The following UPK1A variants were observed in gnomAD, a reference collection of about 807,000 sequenced individuals.
UPK1A encodes uroplakin 1A.
In UPK1A, 31 loss-of-function variants were observed where a neutral mutation model predicts 32.3. The ratio of observed to expected loss-of-function variants is 0.96; its 90% CI spans 0.72 to 1.30. The LOEUF is 1.30. Ranked by LOEUF, UPK1A falls within the 50% of genes most tolerant of loss-of-function variation. The pLI, the probability that UPK1A is intolerant of heterozygous loss-of-function variation, is 0.00. For missense variants in UPK1A, 340 were observed against 357.4 expected, an observed-to-expected ratio of 0.95 and a Z score of 0.39; for synonymous variants, 135 against 137.1, an observed-to-expected ratio of 0.98 and a Z score of 0.11.
exon 6 of UPK1A, chr19:35,675,892 C>T: frequency 6.2e-7 from 1 of 1,614,024 alleles, no homozygotes; most frequent in Non-Finnish European, 8.5e-7. Flanking sequence ...TTCACGTCAG[C>T]CTTCCGGGCG....
chr19:35,666,863 G>A lies in UPK1A; in HGVS notation c.51G>A (p.Val17=), dbSNP rs770549976. 10 of 1,614,102 alleles carry A rather than the reference G, an allele frequency of 6.2e-6. No homozygotes were observed. In the Admixed American group the frequency reaches 1.3e-4, roughly 22 times the overall value. ...CCGAGAAGGGATCTCCAGTTGTGGT[G>A]GGCCTGCTAGTTGTGGGCAATATCA... Residue 17 remains valine, a synonymous_variant, in exon 2 of 8, where the codon GTG becomes GTA. Coordinates refer to ENST00000617999, the Ensembl canonical transcript of UPK1A.
chr19:35,678,045 AC>A, exon 8 of UPK1A: 1 of 1,554,806 alleles, frequency 6.4e-7, no homozygotes, highest in Non-Finnish European at 8.7e-7. Flanking sequence ...GGCAACATAC[AC>A]ACCCCGGACT....
At chr19:35,676,128 CT>C in intron 6 of UPK1A, 109 bp downstream of exon 6, 2 of 1,195,746 alleles carry the variant, frequency 1.7e-6, no homozygotes. Flanking sequence ...GTCCGTCTAG[CT>C]TTTTCCCTCT....
At chr19:35,671,365 C>T (rs1373463102) in intron 3 of UPK1A, among the ~76,000 whole-genome samples, 7 of 115,562 alleles carry the variant, frequency 6.1e-5, no homozygotes, top group South Asian at 3.3e-4. Context: ...CCAGCCTGGG[C>T]GACAGAGCAA....
At chr19:35,678,064 A>G in exon 8 of UPK1A, 1 of 1,524,330 alleles carries the variant, frequency 6.6e-7, no homozygotes, top group Non-Finnish European at 8.8e-7. Context: ...ACTCCTCCGC[A>G]TCCTCCTCCT....
chr19:35,676,041 C>T, intron 6 of UPK1A, 22 bp downstream of exon 6: 1 of 1,603,616 alleles, frequency 6.2e-7, no homozygotes, highest in Middle Eastern at 1.7e-4. Flanking sequence ...TGCCCTGCTC[C>T]ATCTGTCTAT....
chr19:35,678,039 A>T, exon 8 of UPK1A: 1 of 1,565,900 alleles, frequency 6.4e-7, no homozygotes, highest in Non-Finnish European at 8.7e-7. Context: ...GGGGAAGGCA[A>T]CATACACACC....
chr19:35,672,556 C>G (rs542831588), intron 3 of UPK1A, among the ~76,000 whole-genome samples: 73 of 152,272 alleles, frequency 4.8e-4, no homozygotes, highest in Non-Finnish European at 9.3e-4. Context: ...GCGTAAGCCA[C>G]TGCACCCACC....
exon 6 of UPK1A, chr19:35,675,846 T>C: frequency 3.1e-6 from 5 of 1,610,522 alleles, no homozygotes; most frequent in Non-Finnish European, 4.2e-6. Flanking sequence ...CTAGCAAGAA[T>C]GCTGTGGCAC....
At chr19:35,669,330 G>C (rs1018577574) in intron 3 of UPK1A, among the ~76,000 whole-genome samples, 13 of 152,016 alleles carry the variant, frequency 8.6e-5, no homozygotes, top group African/African-American at 2.7e-4. Flanking sequence ...TACTTCCCAA[G>C]TGTCTCTCAT....
chr19:35,677,927 G>A (rs767385609), intron 7 of UPK1A, 32 bp downstream of exon 7: 31 of 1,592,858 alleles, frequency 1.9e-5, no homozygotes, highest in Non-Finnish European at 2.5e-5. Flanking sequence ...GGCTGGGTGG[G>A]CTGGGGGTGG....
intron 5 of UPK1A, 114 bp downstream of exon 5, chr19:35,673,659 T>A: frequency 1.1e-6 from 1 of 880,868 alleles, no homozygotes; most frequent in East Asian, 2.6e-5. Context: ...CATCCGCTCA[T>A]GAGATCTCTA....
At chr19:35,668,725 G>A in intron 3 of UPK1A, 71 bp downstream of exon 3, 1 of 1,486,806 alleles carries the variant, frequency 6.7e-7, no homozygotes, top group East Asian at 2.5e-5. Flanking sequence ...ATAGTAGCAG[G>A]TGCAGCCCCA....
rs532351066 is a variant in UPK1A at position 35,673,354 on chromosome 19, C to T, written c.360+48C>T. 54 of 1,611,516 alleles carry T rather than the reference C, an allele frequency of 3.4e-5. No homozygotes were observed. The African/African-American group carries it at 6.9e-4, about 21-fold the overall frequency. ...AGGGGCCTGACCTGCATGGGAGGGGCGAGGGTCCCGGCGCGGCGGGGCGGA... is the reference window on the plus strand; with the variant it reads ...AGGGGCCTGACCTGCATGGGAGGGGTGAGGGTCCCGGCGCGGCGGGGCGGA... On this transcript the variant is annotated intron_variant, in intron 4 of 7. Coordinates refer to ENST00000617999, the Ensembl canonical transcript of UPK1A.
chr19:35,668,251 TG>T, intron 2 of UPK1A: 1 of 637,526 alleles, frequency 1.6e-6, no homozygotes, highest in Non-Finnish European at 2.7e-6. Flanking sequence ...AGCTGGGGCG[TG>T]GGGGTCGGTT....
chr19:35,675,789 A>G, intron 5 of UPK1A, 51 bp from the exon 6 acceptor site: 1 of 1,552,578 alleles, frequency 6.4e-7, no homozygotes, highest in Non-Finnish European at 8.7e-7. Flanking sequence ...TCAGGCAAGC[A>G]ACTGTCCTCT....
At chr19:35,668,765 C>A in intron 3 of UPK1A, 111 bp downstream of exon 3, 1 of 1,214,120 alleles carries the variant, frequency 8.2e-7, no homozygotes, top group Non-Finnish European at 1.1e-6. Context: ...CATGGTGTCA[C>A]ACTCAGGGAT....
rs1219508335 is a variant in UPK1A, at chr19:35,675,842, AG to A, written c.472del (p.Glu158AsnfsTer12). On this transcript the variant is annotated frameshift_variant, in exon 6 of 8. Transcript: ENST00000617999. LOFTEE classifies it high-confidence loss of function. Reference sequence around the variant, plus strand: ...TGACCCCCTGCTTTTCACTCTAGCAAGAATGCTGTGGCACATCTGGTCCCAT... The same window carrying A: ...TGACCCCCTGCTTTTCACTCTAGCAAAATGCTGTGGCACATCTGGTCCCAT... The A allele has an allele frequency of 6.2e-6, 10 of 1,608,906 alleles. No individual in the cohort carries two copies. Among genetic ancestry groups the A allele is most frequent in the Non-Finnish European group, 8.5e-6 (10 of 1,177,096 alleles).
chr19:35,673,252 C>G, exon 4 of UPK1A: 1 of 1,614,114 alleles, frequency 6.2e-7, no homozygotes, highest in Non-Finnish European at 8.5e-7. Context: ...TCATGCTCAT[C>G]GTCTACATCT....
Sources: gnomAD v4.1 joint callset for allele counts (sites outside exome capture counted in the v4.1 genomes callset) on GRCh38, gnomAD v4.1.1 for gene constraint, MANE v1.5 for transcripts, NCBI Gene and HGNC (gene_info 2026-07-23, HGNC 2026-07-21) for gene names.